The following PICALM variants were observed in gnomAD, a reference collection of about 807,000 sequenced individuals.
PICALM encodes the protein phosphatidylinositol-binding clathrin assembly protein.
In PICALM, 40 loss-of-function variants were observed where a neutral mutation model predicts 80.5. That is an observed-to-expected ratio of 0.50 (90% CI 0.39 to 0.65). The LOEUF (loss-of-function observed/expected upper bound fraction) is 0.65, where lower values mean the gene tolerates loss of function less well. PICALM is among the 30% of genes least tolerant of loss of function. The pLI, the probability that PICALM is intolerant of heterozygous loss-of-function variation, is 0.00. For missense variants in PICALM, 676 were observed against 778.9 expected (o/e 0.87, Z 1.57); for synonymous variants, 288 against 260.3 (o/e 1.11, Z -1.02).
chr11:86,039,305 C>T (rs1390241672), intron 1 of PICALM, among the ~76,000 whole-genome samples: 1 of 152,066 alleles, frequency 6.6e-6, no homozygotes, highest in African/African-American at 2.4e-5. Context: ...ACAGGAGGAT[C>T]CCTTGATCCC....
intron 12 of PICALM, among the ~76,000 whole-genome samples, chr11:85,992,854 C>A (rs1183985484): frequency 6.6e-6 from 1 of 152,088 alleles, no homozygotes; most frequent in East Asian, 1.9e-4. Context: ...ACGTGAAACA[C>A]CTTAGAGAAG....
chr11:85,992,854 C>T (rs1183985484), intron 12 of PICALM, among the ~76,000 whole-genome samples: 1 of 152,088 alleles, frequency 6.6e-6, no homozygotes, highest in Non-Finnish European at 1.5e-5. Flanking sequence ...ACGTGAAACA[C>T]CTTAGAGAAG....
At position 85,957,225 on chromosome 11, in the gene PICALM, T is replaced by C. The variant is rs2093562436; in HGVS notation, c.*1821A>G. 6.6e-6 allele frequency among the ~76,000 whole-genome samples: 1 copy of C among 152,234 alleles called. No individual in the cohort carries two copies. The highest frequency in any genetic ancestry group is 1.5e-5 in the Non-Finnish European group (1 of 68,040). On this transcript the variant is annotated 3_prime_UTR_variant, in exon 20 of 20. Transcript: ENST00000393346. ...CTGAAACTTAAAAGCTGATAAAATTTATTGGCTACGACTACATTTTTTCTC... is the reference window on the plus strand; with the variant it reads ...CTGAAACTTAAAAGCTGATAAAATTCATTGGCTACGACTACATTTTTTCTC...
intron 1 of PICALM, among the ~76,000 whole-genome samples, chr11:86,066,239 C>T (rs1418688609): frequency 6.6e-6 from 1 of 152,058 alleles, no homozygotes. Context: ...TCAGACTTTA[C>T]CTAAGATAAA....
intron 1 of PICALM, among the ~76,000 whole-genome samples, chr11:86,040,096 G>T (rs1008378772): frequency 6.7e-6 from 1 of 149,856 alleles, no homozygotes; most frequent in African/African-American, 2.5e-5. Flanking sequence ...AGGAACGAAA[G>T]AAACAAACTG....
intron 1 of PICALM, among the ~76,000 whole-genome samples, chr11:86,049,682 C>T (rs1056860322): frequency 1.3e-5 from 2 of 151,766 alleles, no homozygotes; most frequent in Admixed American, 6.6e-5. Flanking sequence ...ATCCACCTGC[C>T]TTGGCCTCCC....
At chr11:85,968,655 A>G (rs2093989787) in intron 19 of PICALM, among the ~76,000 whole-genome samples, 1 of 152,224 alleles carries the variant, frequency 6.6e-6, no homozygotes, top group African/African-American at 2.4e-5. Flanking sequence ...AGCAATGGAC[A>G]TTTCAATTTA....
Position 86,031,757 on chromosome 11 carries a change from A to G in PICALM, c.131-146T>C, listed in dbSNP as rs2136779389. On this transcript the variant is annotated intron_variant, in intron 1 of 19. Coordinates refer to ENST00000393346, the MANE Select transcript of PICALM (RefSeq NM_007166.4). The stretch of plus-strand genomic sequence containing the variant: ...ATGTTGTTAAAAATCTCTCAATTAG[A>G]GCAATTGAGACTACCATAATCTACC... 4 of 601,070 alleles carry G rather than the reference A, an allele frequency of 6.7e-6. 1 individual carries two copies. The South Asian group carries it at 6.8e-5, about 10-fold the overall frequency. The allele number at this position is 601,070 out of a possible 1,614,324, so 37.2% of individuals were successfully genotyped here. A position where few individuals can be genotyped will look rare whatever the true frequency, so the allele number is the denominator to read the frequency against.
At chr11:86,003,938 C>T (rs1025813372) in intron 8 of PICALM, among the ~76,000 whole-genome samples, 4 of 152,142 alleles carry the variant, frequency 2.6e-5, no homozygotes, top group African/African-American at 9.7e-5. Flanking sequence ...AAGTTAAATA[C>T]ATCTGCAGTA....
At chr11:86,021,804 A>G (rs59234935) in intron 4 of PICALM, among the ~76,000 whole-genome samples, 75 of 152,352 alleles carry the variant, frequency 4.9e-4, no homozygotes, top group African/African-American at 1.8e-3. Context: ...GAACAGATAA[A>G]CAAAATGCAG....
chr11:86,067,946 T>C (rs1235352), intron 1 of PICALM, among the ~76,000 whole-genome samples: 23 of 152,172 alleles, frequency 1.5e-4, no homozygotes, highest in Non-Finnish European at 2.6e-4. Flanking sequence ...CTACACCAAA[T>C]TGAATCCTTT....
chr11:85,975,399 C>T (rs563938410), intron 18 of PICALM, among the ~76,000 whole-genome samples: 92 of 152,094 alleles, frequency 6.0e-4, no homozygotes, highest in Non-Finnish European at 1.1e-3. Context: ...AAAATTACCA[C>T]TACAGGGTAT....
intron 1 of PICALM, among the ~76,000 whole-genome samples, chr11:86,037,697 TAAA>T (rs78694481): frequency 6.7e-6 from 1 of 148,312 alleles, no homozygotes; most frequent in Non-Finnish European, 1.5e-5. Flanking sequence ...AGACACTGTC[TAAA>T]AAAAAAAAGT....
chr11:86,014,823 T>C (rs1460677482), intron 5 of PICALM, 47 bp downstream of exon 5: 1 of 1,099,130 alleles, frequency 9.1e-7, no homozygotes. Flanking sequence ...TCATGAATTA[T>C]AATGACCTAA....
chr11:86,031,510 A>T lies in PICALM; in HGVS notation c.232T>A (p.Ser78Thr). ...TNSSWVVVFK[S>T]LITTHHLMVY... Reference sequence around the variant, plus strand: ...ATCAAATGATGAGTTGTAATGAGAGATTTGAAGACCACCACCCAACTACTA... The same window carrying T: ...ATCAAATGATGAGTTGTAATGAGAGTTTTGAAGACCACCACCCAACTACTA... The change falls in exon 2 of 20, where the codon TCT (serine) becomes ACT (threonine). Residue 78 changes from serine (S) to threonine (T), a missense_variant. By Grantham distance (58) the Ser-to-Thr change is moderately conservative (BLOSUM62 1). This residue lies in a region of PICALM where 285 missense variants were observed against 395.4 expected (regional missense o/e 0.72). Transcript: ENST00000393346. The T allele has an allele frequency of 6.2e-7, 1 of 1,613,090 alleles. No homozygotes were observed. Among genetic ancestry groups the T allele is most frequent in the Non-Finnish European group, 8.5e-7 (1 of 1,179,592 alleles).
chr11:85,965,609 CTG>C lies in PICALM; in HGVS notation c.1945-6551_1945-6550del, dbSNP rs146225944. 9.0e-3 allele frequency among the ~76,000 whole-genome samples: 1,376 copies of C among 152,196 alleles called. 26 individuals are homozygous for C. The highest frequency in any genetic ancestry group is 0.031 in the African/African-American group (1,288 of 41,510). ...AGATAATGTGATTCCTCAGCTTCCC[CTG>C]TGAGATAGTGCTAAAAGACAGGATT... is the stretch of plus-strand genomic sequence containing the variant. On this transcript the variant is annotated intron_variant, in intron 19 of 19. Transcript: ENST00000393346.
intron 19 of PICALM, among the ~76,000 whole-genome samples, chr11:85,967,553 A>C (rs1359457653): frequency 6.6e-6 from 1 of 152,216 alleles, no homozygotes; most frequent in Non-Finnish European, 1.5e-5. Context: ...CCCAATCCCC[A>C]AGGAAACGTC....
intron 1 of PICALM, among the ~76,000 whole-genome samples, chr11:86,044,305 G>A (rs2096028757): frequency 6.6e-6 from 1 of 152,140 alleles, no homozygotes; most frequent in Non-Finnish European, 1.5e-5. Context: ...CCAGTGGCCT[G>A]GAGGCCTATG....
intron 9 of PICALM, among the ~76,000 whole-genome samples, chr11:86,001,562 G>A (rs2095146238): frequency 1.3e-5 from 2 of 152,138 alleles, no homozygotes; most frequent in South Asian, 2.1e-4. Context: ...CCTACGTTTC[G>A]GCAGTGCCAC....
Sources: gnomAD v4.1 joint callset for allele counts (sites outside exome capture counted in the v4.1 genomes callset) on GRCh38, gnomAD v4.1.1 for gene constraint, gnomAD v4.1.1 regional missense constraint, MANE v1.5 for transcripts, NCBI Gene and HGNC (gene_info 2026-07-23, HGNC 2026-07-21) for gene names.